Variants in ADAP1 observed in about 807,000 individuals in gnomAD.
ADAP1 encodes ArfGAP with dual PH domains 1, also known as arf-GAP with dual PH domain-containing protein 1.
A neutral mutation model predicts 54.9 loss-of-function variants in ADAP1; 31 were observed. The observed-to-expected ratio is 0.56, with a 90% CI of 0.42 to 0.76. The LOEUF (loss-of-function observed/expected upper bound fraction) is 0.76. Ranked by LOEUF, ADAP1 falls within the 30% of genes least tolerant of loss-of-function variation. The pLI, the probability that ADAP1 is intolerant of heterozygous loss-of-function variation, is 0.00. For synonymous variants in ADAP1, 313 were observed against 202.6 expected (o/e 1.55, Z -4.63); for missense variants, 535 against 512.4 (o/e 1.04, Z -0.42).
chr7:920,704 G>T lies in ADAP1; in HGVS notation c.306-654C>A. On this transcript the variant is annotated intron_variant, in intron 3 of 10. Transcript: ENST00000265846. The surrounding 1 kb of genome is among the most constrained non-coding windows in gnomAD (Gnocchi z 4.5). ...CCCCGAGAGTAAAGCCCGGGACGAG[G>T]GCCCCCCACGGCACCCACTGAGCCC... 8.1e-7 allele frequency: 1 copy of T among 1,229,726 alleles called. No homozygotes were observed. Among genetic ancestry groups the T allele is most frequent in the Non-Finnish European group, 1.1e-6 (1 of 885,422 alleles). The allele number at this position is 1,229,726 out of a possible 1,614,324, so 76.2% of individuals were successfully genotyped here. A position where few individuals can be genotyped will look rare whatever the true frequency, so the allele number is the denominator to read the frequency against.
intron 4 of ADAP1, among the ~76,000 whole-genome samples, chr7:914,826 G>A (rs573795086): frequency 1.3e-5 from 2 of 152,256 alleles, no homozygotes; most frequent in Non-Finnish European, 2.9e-5. Flanking sequence ...CTGGTCCCCA[G>A]GCACTTGGCC....
In ADAP1 at chr7:904,099, C is replaced by T. The variant is rs76805149; in HGVS notation, c.648+27G>A. ...TGAGGGCCCACCCTCCTGTGCCACC[C>T]GGGCCCGAGTGCTCGCCAGCACCCA... On this transcript the variant is annotated intron_variant, in intron 6 of 10. Transcript: ENST00000265846. 1,049 of 1,610,264 alleles carry T rather than the reference C, an allele frequency of 6.5e-4. 2 individuals are homozygous for T. In the African/African-American group the frequency reaches 0.01, roughly 16 times the overall value.
intron 4 of ADAP1, among the ~76,000 whole-genome samples, chr7:919,235 G>A (rs537206378): frequency 8.5e-5 from 13 of 152,340 alleles, no homozygotes; most frequent in Admixed American, 5.9e-4. Flanking sequence ...CACAGAGGAC[G>A]CCCTCACGCC....
At chr7:905,398 G>GGAAAGGAGAA (rs1845112593) in intron 4 of ADAP1, 1 of 230,646 alleles carries the variant, frequency 4.3e-6, no homozygotes, top group Admixed American at 6.4e-5. Context: ...AAGGAGAAAG[G>GGAAAGGAGAA]AGAAAGGAGA....
At chr7:908,935 G>A (rs964115339) in intron 4 of ADAP1, among the ~76,000 whole-genome samples, 1 of 152,214 alleles carries the variant, frequency 6.6e-6, no homozygotes, top group Non-Finnish European at 1.5e-5. Flanking sequence ...CACAGCGGGG[G>A]CCCCTTCCAG....
chr7:905,912 A>AG (rs1562913229), intron 4 of ADAP1, among the ~76,000 whole-genome samples: 71 of 3,540 alleles, frequency 0.02, 11 homozygotes, highest in South Asian at 0.1. Flanking sequence ...GGAGAAAGGG[A>AG]AAGGAGAAAG....
In ADAP1 at chr7:898,880, C is replaced by A; in HGVS notation, c.*41G>T. ...CCATCCACGGGTCCCCTCCGTCCAG[C>A]CACAGTGAGTCCAATGTCCGTGGTC... On this transcript the variant is annotated 3_prime_UTR_variant, in exon 11 of 11. Coordinates refer to ENST00000265846, the MANE Select transcript of ADAP1 (RefSeq NM_006869.4). 6.3e-7 allele frequency: 1 copy of A among 1,575,104 alleles called. No individual in the cohort carries two copies. Among genetic ancestry groups the A allele is most frequent in the Non-Finnish European group, 8.6e-7 (1 of 1,162,170 alleles).
chr7:943,284 G>C (rs1375002173), intron 1 of ADAP1, among the ~76,000 whole-genome samples: 1 of 23,826 alleles, frequency 4.2e-5, no homozygotes, highest in Non-Finnish European at 7.4e-5. Context: ...GAGAGGAGGA[G>C]GAAGGGAGAG....
intron 1 of ADAP1, among the ~76,000 whole-genome samples, chr7:939,640 G>A (rs1424590306): frequency 6.6e-6 from 1 of 151,742 alleles, no homozygotes; most frequent in Non-Finnish European, 1.5e-5. Context: ...AGAACAGTCT[G>A]GCCAACATAG....
intron 4 of ADAP1, among the ~76,000 whole-genome samples, chr7:906,738 A>ATG: frequency 7.8e-5 from 2 of 25,478 alleles, no homozygotes; most frequent in East Asian, 3.1e-3. Context: ...CATGGGGGAC[A>ATG]GAGTACATAG....
At chr7:909,086 C>T (rs1845599578) in intron 4 of ADAP1, among the ~76,000 whole-genome samples, 1 of 152,212 alleles carries the variant, frequency 6.6e-6, no homozygotes, top group Admixed American at 6.5e-5. Flanking sequence ...GCAGCTGCTC[C>T]GGTGTTCTCG....
chr7:903,516 A>G (rs1450518330), intron 6 of ADAP1, among the ~76,000 whole-genome samples: 2 of 152,150 alleles, frequency 1.3e-5, no homozygotes, highest in African/African-American at 4.8e-5. Flanking sequence ...ACGTGTGATA[A>G]ACATAGAAAC....
intron 4 of ADAP1, among the ~76,000 whole-genome samples, chr7:919,626 A>G: frequency 7.5e-6 from 1 of 133,962 alleles, no homozygotes; most frequent in Non-Finnish European, 1.6e-5. Context: ...GACAGACATG[A>G]AGAGAGAGTA....
chr7:904,974 T>C (rs575900755), intron 5 of ADAP1, 86 bp downstream of exon 5: 4 of 1,195,074 alleles, frequency 3.3e-6, no homozygotes, highest in Admixed American at 3.5e-5. Context: ...CAGCTGCGGA[T>C]GGACGCGGCC....
chr7:952,610 G>T (rs1266756039), intron 1 of ADAP1, among the ~76,000 whole-genome samples: 1 of 152,178 alleles, frequency 6.6e-6, no homozygotes, highest in Non-Finnish European at 1.5e-5. Flanking sequence ...CAGCCCTGGG[G>T]AGCGGGGACA....
intron 4 of ADAP1, among the ~76,000 whole-genome samples, chr7:908,059 G>A (rs1364738077): frequency 1.3e-5 from 2 of 152,178 alleles, no homozygotes; most frequent in Admixed American, 1.3e-4. Context: ...CACTTGCTTG[G>A]GGACAGCATC....
chr7:938,749 C>T lies in ADAP1; in HGVS notation c.83-3244G>A, dbSNP rs532094124. 1.6e-4 allele frequency among the ~76,000 whole-genome samples: 25 copies of T among 152,354 alleles called. 1 individual carries two copies. The South Asian group carries it at 5.2e-3, about 32-fold the overall frequency. ...AACATGAGCCCAGCTGGGAACATCACCGCTCGGGGTGCAGTGGGGGGCCCT... is the reference window on the plus strand; with the variant it reads ...AACATGAGCCCAGCTGGGAACATCATCGCTCGGGGTGCAGTGGGGGGCCCT... On this transcript the variant is annotated intron_variant, in intron 1 of 10. Coordinates refer to ENST00000265846, the MANE Select transcript of ADAP1 (RefSeq NM_006869.4). This position sits in a 1 kb window ranked among gnomAD's most constrained non-coding sequence, Gnocchi z 4.4.
intron 6 of ADAP1, 114 bp from the exon 7 acceptor site, chr7:900,730 C>T: frequency 1.1e-6 from 1 of 908,712 alleles, no homozygotes; most frequent in African/African-American, 1.7e-5. Flanking sequence ...CAGCCCCTTC[C>T]TCCTCCCCGG....
chr7:905,655 A>G (rs796981908), intron 4 of ADAP1: 186 of 33,500 alleles, frequency 5.6e-3, no homozygotes, highest in Admixed American at 8.5e-3. Flanking sequence ...AAGGGAAAGG[A>G]GAAAGGAGAA....
Sources: gnomAD v4.1 joint callset for allele counts (sites outside exome capture counted in the v4.1 genomes callset) on GRCh38, gnomAD v4.1.1 for gene constraint, Gnocchi (gnomAD v3.1) non-coding constraint, MANE v1.5 for transcripts, NCBI Gene and HGNC (gene_info 2026-07-23, HGNC 2026-07-21) for gene names.